The following STARD13 variants were observed in gnomAD, a reference collection of about 807,000 sequenced individuals.
STARD13 encodes the protein StAR related lipid transfer domain containing 13.
In STARD13, 62 loss-of-function variants were observed where a neutral mutation model predicts 106.4. That is an observed-to-expected ratio of 0.58 (90% CI 0.48 to 0.72). The LOEUF is 0.72. Among genes scored for constraint, STARD13 ranks in the 30% least tolerant of loss-of-function variants. The pLI is 0.00. For synonymous variants in STARD13, 565 were observed against 553.0 expected (o/e 1.02, Z -0.31); for missense variants, 1,387 against 1,424.0 (o/e 0.97, Z 0.42).
intron 1 of STARD13, among the ~76,000 whole-genome samples, chr13:33,291,384 G>C (rs527948359): frequency 1.3e-5 from 2 of 152,208 alleles, no homozygotes; most frequent in East Asian, 3.9e-4. Flanking sequence ...CTCTCTTTTG[G>C]ATCTGCTCCA....
At chr13:33,156,452 GT>G (rs1272013361) in intron 3 of STARD13, among the ~76,000 whole-genome samples, 1 of 152,202 alleles carries the variant, frequency 6.6e-6, no homozygotes. Flanking sequence ...TAAGATTGCA[GT>G]GGGGTTCATA....
chr13:33,274,738 A>G (rs1891332782), intron 1 of STARD13, among the ~76,000 whole-genome samples: 1 of 152,108 alleles, frequency 6.6e-6, no homozygotes, highest in African/African-American at 2.4e-5. Flanking sequence ...TGCTGCCATC[A>G]CTGGAGGATC....
intron 4 of STARD13, among the ~76,000 whole-genome samples, chr13:33,139,020 A>G (rs1593942134): frequency 1.3e-5 from 2 of 152,332 alleles, no homozygotes; most frequent in African/African-American, 2.4e-5. Context: ...GACTTTTCAC[A>G]TTCTTCCTTG....
At chr13:33,266,784 T>C (rs1890918396) in intron 1 of STARD13, among the ~76,000 whole-genome samples, 1 of 152,252 alleles carries the variant, frequency 6.6e-6, no homozygotes, top group Non-Finnish European at 1.5e-5. Flanking sequence ...TCAATATTTA[T>C]GACAGTTTAT....
chr13:33,535,776 C>T, the STARD13 span, among the ~76,000 whole-genome samples: 3 of 152,200 alleles, frequency 2.0e-5, no homozygotes, highest in African/African-American at 7.2e-5. Context: ...ATAAAGGGAA[C>T]TTTGCCCCCT....
At chr13:33,303,323 T>A (rs1892789366) in intron 1 of STARD13, among the ~76,000 whole-genome samples, 1 of 152,184 alleles carries the variant, frequency 6.6e-6, no homozygotes, top group Admixed American at 6.5e-5. Flanking sequence ...GCCTAGTGTC[T>A]CCCTCAGAGA....
At chr13:33,379,426 A>C in the STARD13 span, among the ~76,000 whole-genome samples, 3 of 152,224 alleles carry the variant, frequency 2.0e-5, no homozygotes, top group Non-Finnish European at 4.4e-5. Context: ...ATAATGCATA[A>C]TGTAAATTAT....
At chr13:33,558,433 C>T in the STARD13 span, among the ~76,000 whole-genome samples, 1 of 152,088 alleles carries the variant, frequency 6.6e-6, no homozygotes, top group South Asian at 2.1e-4. Flanking sequence ...CATTTATATA[C>T]TTTCTTTTAA....
At chr13:33,272,943 T>C (rs924358254) in intron 1 of STARD13, 21 of 152,188 alleles carry the variant, frequency 1.4e-4, no homozygotes, top group African/African-American at 5.1e-4. Flanking sequence ...GAGGGAAAAT[T>C]GGACTCTGAA....
chr13:33,439,105 G>A, the STARD13 span, among the ~76,000 whole-genome samples: 1 of 152,214 alleles, frequency 6.6e-6, no homozygotes, highest in Non-Finnish European at 1.5e-5. Context: ...ATTTCAGAAT[G>A]TCTTATCCAT....
At chr13:33,219,052 G>A (rs949052039) in intron 1 of STARD13, among the ~76,000 whole-genome samples, 7 of 152,108 alleles carry the variant, frequency 4.6e-5, no homozygotes, top group African/African-American at 9.7e-5. Context: ...TATAACAATC[G>A]TGTTTACTAT....
chr13:33,330,417 C>T (rs967459291), intron 1 of STARD13, among the ~76,000 whole-genome samples: 1 of 152,076 alleles, frequency 6.6e-6, no homozygotes, highest in African/African-American at 2.4e-5. Flanking sequence ...TATTTTGGTC[C>T]CTTGCCCATT....
At chr13:33,342,173 CA>C (rs2077968616) in intron 1 of STARD13, among the ~76,000 whole-genome samples, 1 of 152,112 alleles carries the variant, frequency 6.6e-6, no homozygotes, top group African/African-American at 2.4e-5. Flanking sequence ...GTGTCAGAGG[CA>C]AAGCATAACC....
chr13:33,344,392 A>G (rs1025056897), downstream of STARD13, among the ~76,000 whole-genome samples: 1 of 152,366 alleles, frequency 6.6e-6, no homozygotes, highest in Non-Finnish European at 1.5e-5. Flanking sequence ...ACAGAATAGA[A>G]TGGTCAATTC....
At chr13:33,587,421 T>G in the STARD13 span, among the ~76,000 whole-genome samples, 1 of 152,136 alleles carries the variant, frequency 6.6e-6, no homozygotes, top group African/African-American at 2.4e-5. Context: ...TTTTGAAGAT[T>G]GAGAAACAGA....
At chr13:33,481,821 T>G in the STARD13 span, among the ~76,000 whole-genome samples, 1,378 of 149,360 alleles carry the variant, frequency 9.2e-3, 19 homozygotes, top group African/African-American at 0.033. Context: ...CTACTAAAAA[T>G]ACAAAAAATT....
chr13:33,625,294 G>A, the STARD13 span, among the ~76,000 whole-genome samples: 5 of 152,186 alleles, frequency 3.3e-5, no homozygotes, highest in Non-Finnish European at 7.3e-5. Context: ...AGTCAAGTCC[G>A]GGTGTGGTGG....
chr13:33,590,520 TA>T, the STARD13 span, among the ~76,000 whole-genome samples: 1 of 151,360 alleles, frequency 6.6e-6, no homozygotes, highest in Admixed American at 6.6e-5. Flanking sequence ...TATGCAGCCA[TA>T]AAAAAGGATG....
At chr13:33,611,240 G>C in the STARD13 span, 1 of 152,232 alleles carries the variant, frequency 6.6e-6, no homozygotes, top group African/African-American at 2.4e-5. Context: ...AATGCTCCGC[G>C]CTCCACTGTG....
Sources: allele counts gnomAD v4.1 joint callset (sites outside exome capture counted in the v4.1 genomes callset), GRCh38; gene constraint gnomAD v4.1.1; transcripts MANE v1.5; gene names NCBI Gene and HGNC (gene_info 2026-07-23, HGNC 2026-07-21).